Variants in SLC10A7 observed in about 807,000 individuals in gnomAD.
SLC10A7 encodes solute carrier family 10 member 7.
In SLC10A7, 29 loss-of-function variants were observed where a neutral mutation model predicts 43.2. The observed-to-expected ratio is 0.67, with a 90% confidence interval of 0.50 to 0.92. The LOEUF (loss-of-function observed/expected upper bound fraction) is 0.92. SLC10A7 is among the 40% of genes least tolerant of loss of function. SLC10A7 has a pLI of 0.00. For synonymous variants in SLC10A7, 152 were observed against 144.8 expected (o/e 1.05, Z -0.35); for missense variants, 295 against 403.2 (o/e 0.73, Z 2.30).
At chr4:146,262,008 G>A (rs1199840760) in intron 10 of SLC10A7, among the ~76,000 whole-genome samples, 2 of 152,128 alleles carry the variant, frequency 1.3e-5, no homozygotes, top group Middle Eastern at 3.2e-3. Flanking sequence ...TTCTTTTTCT[G>A]ACTAACTTCC....
intron 10 of SLC10A7, among the ~76,000 whole-genome samples, chr4:146,262,315 G>A (rs1450614146): frequency 6.6e-6 from 1 of 152,166 alleles, no homozygotes; most frequent in East Asian, 1.9e-4. Flanking sequence ...TCATTTGGAA[G>A]TGGTGAGCTC....
chr4:146,516,636 T>A (rs2150058621), intron 2 of SLC10A7, among the ~76,000 whole-genome samples: 1 of 152,134 alleles, frequency 6.6e-6, no homozygotes, highest in East Asian at 1.9e-4. Context: ...AATTAAGCAT[T>A]ATTTGAACAG....
At chr4:146,349,771 C>T (rs2357076) in intron 5 of SLC10A7, among the ~76,000 whole-genome samples, 87,497 of 151,826 alleles carry the variant, frequency 0.58, 25,746 homozygotes, top group East Asian at 0.77. Flanking sequence ...CACTTACAAG[C>T]GGAACCTAGA....
rs1013698722 is a variant in SLC10A7 at position 146,521,936 on chromosome 4, T to A, written c.-219A>T. ...GTAGCCAGTGACAGGAAAGTCTCAC[T>A]GAGCGCCGCCATCACTACCACGCGC... On this transcript the variant is annotated 5_prime_UTR_variant, in exon 1 of 12. Coordinates refer to ENST00000335472, the MANE Select transcript of SLC10A7 (RefSeq NM_001029998.6). The A allele has an allele frequency of 2.7e-5, 13 of 480,760 alleles. No homozygotes were observed. Among genetic ancestry groups the A allele is most frequent in the Non-Finnish European group, 4.5e-5 (12 of 269,592 alleles). 29.8% of individuals were successfully genotyped at this position (480,760 alleles called of 1,614,324 possible).
At position 146,411,030 on chromosome 4, in the gene SLC10A7, T is replaced by C. The variant is rs142569100; in HGVS notation, c.435+31753A>G. On this transcript the variant is annotated intron_variant, in intron 5 of 11. Transcript: ENST00000335472. The stretch of plus-strand genomic sequence containing the variant: ...CTGTTTTTTTTAGTAAAGATGGGGT[T>C]TCACCATTTTGGCCAGGCTGGTTTC... 5.5e-3 allele frequency among the ~76,000 whole-genome samples: 832 copies of C among 152,158 alleles called. 7 individuals are homozygous for C. Among genetic ancestry groups the C allele is most frequent in the African/African-American group, 0.019 (796 of 41,524 alleles).
chr4:146,259,084 G>T (rs377677922), intron 10 of SLC10A7, among the ~76,000 whole-genome samples: 1 of 152,122 alleles, frequency 6.6e-6, no homozygotes, highest in African/African-American at 2.4e-5. Context: ...TAATTCTCAC[G>T]GCAAATTAGA....
chr4:146,329,412 C>T (rs1198585219), intron 5 of SLC10A7, among the ~76,000 whole-genome samples: 1 of 152,068 alleles, frequency 6.6e-6, no homozygotes, highest in African/African-American at 2.4e-5. Flanking sequence ...ATATTGTACC[C>T]AGGATTTAGC....
intron 5 of SLC10A7, among the ~76,000 whole-genome samples, chr4:146,327,849 G>T (rs370893858): frequency 2.6e-5 from 4 of 152,152 alleles, no homozygotes; most frequent in Non-Finnish European, 5.9e-5. Flanking sequence ...CCATTGGGGG[G>T]CCTGAGAATA....
At chr4:146,519,238 TATA>T (rs1197715726) in intron 1 of SLC10A7, among the ~76,000 whole-genome samples, 1 of 140,684 alleles carries the variant, frequency 7.1e-6, no homozygotes, top group East Asian at 2.0e-4. Flanking sequence ...ATATATTATA[TATA>T]ATAATATATT....
chr4:146,344,011 T>G (rs1734443539), intron 5 of SLC10A7, among the ~76,000 whole-genome samples: 1 of 152,038 alleles, frequency 6.6e-6, no homozygotes, highest in African/African-American at 2.4e-5. Context: ...AGAAAGCGTT[T>G]GTGTGCTACA....
rs1179350742 is a variant in SLC10A7 at position 146,474,585 on chromosome 4, TC to T, written c.396+29263del. Among the ~76,000 whole-genome samples the T allele has an allele frequency of 3.9e-5, 6 of 152,248 alleles. No individual in the cohort carries two copies. The East Asian group carries it at 7.7e-4, about 20-fold the overall frequency. ...TGCCATCACTAAGAACTTGATTTTA[TC>T]TTAAATAGCAACTTATGCAGCTAGA... On this transcript the variant is annotated intron_variant, in intron 4 of 11. Coordinates refer to ENST00000335472, the MANE Select transcript of SLC10A7 (RefSeq NM_001029998.6).
chr4:146,458,917 T>C (rs559927328), intron 4 of SLC10A7, among the ~76,000 whole-genome samples: 183 of 151,876 alleles, frequency 1.2e-3, no homozygotes, highest in African/African-American at 4.3e-3. Flanking sequence ...TGCAAATAGA[T>C]TGGAAAGGAA....
At chr4:146,492,666 AG>A (rs759436183) in intron 4 of SLC10A7, among the ~76,000 whole-genome samples, 13 of 152,234 alleles carry the variant, frequency 8.5e-5, no homozygotes, top group Non-Finnish European at 1.6e-4. Context: ...CACCGTGCCC[AG>A]CCAGCCATGT....
At chr4:146,290,118 A>T (rs1730326626) in intron 9 of SLC10A7, among the ~76,000 whole-genome samples, 1 of 150,762 alleles carries the variant, frequency 6.6e-6, no homozygotes, top group Non-Finnish European at 1.5e-5. Flanking sequence ...AGGTCAGGAG[A>T]TCCAGACCAT....
intron 5 of SLC10A7, among the ~76,000 whole-genome samples, chr4:146,435,766 T>A (rs894267205): frequency 6.6e-6 from 1 of 152,174 alleles, no homozygotes; most frequent in Non-Finnish European, 1.5e-5. Flanking sequence ...TGGATTCAAA[T>A]TAAGGAAATT....
At chr4:146,481,963 G>A (rs1374327389) in intron 4 of SLC10A7, among the ~76,000 whole-genome samples, 1 of 152,150 alleles carries the variant, frequency 6.6e-6, no homozygotes, top group South Asian at 2.1e-4. Flanking sequence ...CTAATAAGCT[G>A]TGAAACCACC....
intron 4 of SLC10A7, among the ~76,000 whole-genome samples, chr4:146,493,010 A>G (rs527466729): frequency 7.9e-5 from 12 of 152,342 alleles, no homozygotes; most frequent in African/African-American, 2.9e-4. Flanking sequence ...TCATAACTCC[A>G]TGATTTAGTA....
intron 7 of SLC10A7, among the ~76,000 whole-genome samples, chr4:146,305,675 ACT>A (rs1731517260): frequency 6.6e-6 from 1 of 152,182 alleles, no homozygotes; most frequent in African/African-American, 2.4e-5. Flanking sequence ...AAAAATCAAG[ACT>A]CTGTGTAGAA....
intron 5 of SLC10A7, among the ~76,000 whole-genome samples, chr4:146,361,014 C>T (rs1274773633): frequency 6.6e-6 from 1 of 152,130 alleles, no homozygotes; most frequent in Admixed American, 6.6e-5. Flanking sequence ...CTACTCCCTA[C>T]AACCCCTTTC....
Sources: gnomAD v4.1 joint callset for allele counts (sites outside exome capture counted in the v4.1 genomes callset) on GRCh38, gnomAD v4.1.1 for gene constraint, MANE v1.5 for transcripts, NCBI Gene and HGNC (gene_info 2026-07-23, HGNC 2026-07-21) for gene names.